The following HDX variants were observed in gnomAD, a reference collection of about 807,000 sequenced individuals.
The protein encoded by HDX is chromosome X open reading frame 43.
HDX carries 19 observed loss-of-function variants against 45.2 expected under a neutral mutation model. The ratio of observed to expected loss-of-function variants is 0.42; its 90% CI spans 0.29 to 0.62. The LOEUF is 0.62. HDX is among the 20% of genes least tolerant of loss of function. The pLI, the probability that HDX is intolerant of heterozygous loss-of-function variation, is 0.20. For synonymous variants in HDX, 188 were observed against 172.8 expected, an observed-to-expected ratio of 1.09 and a Z score of -0.69; for missense variants, 532 against 493.9, an observed-to-expected ratio of 1.08 and a Z score of -0.73.
Position 84,371,750 on chromosome X carries a change from A to T in HDX, c.1306-10138T>A, listed in dbSNP as rs973249986. Reference sequence around the variant, plus strand: ...TATCTCAGGTTCACATTTGATGCTTATTGCCTATTTTTATGTGCTCTCTGA... The same window carrying T: ...TATCTCAGGTTCACATTTGATGCTTTTTGCCTATTTTTATGTGCTCTCTGA... On this transcript the variant is annotated intron_variant, in intron 5 of 10. Coordinates refer to ENST00000373177, the MANE Select transcript of HDX (RefSeq NM_001177479.2). 9.9e-5 allele frequency among the ~76,000 whole-genome samples: 11 copies of T among 111,529 alleles called. No homozygotes were observed. The East Asian group carries it at 2.5e-3, about 26-fold the overall frequency.
chrX:84,376,990 G>C (rs1209032015), intron 5 of HDX, among the ~76,000 whole-genome samples: 2 of 112,221 alleles, frequency 1.8e-5, no homozygotes, highest in Non-Finnish European at 3.8e-5. Flanking sequence ...TGAAGTCATA[G>C]TGATGGTGGC....
At chrX:84,429,629 A>G (rs758550822) in intron 5 of HDX, among the ~76,000 whole-genome samples, 10 of 110,057 alleles carry the variant, frequency 9.1e-5, no homozygotes, top group Admixed American at 1.9e-4. Flanking sequence ...ATAAAGACAC[A>G]TTCATTTCTT....
At chrX:84,379,344 A>G (rs2038132091) in intron 5 of HDX, among the ~76,000 whole-genome samples, 1 of 110,626 alleles carries the variant, frequency 9.0e-6, no homozygotes, top group African/African-American at 3.3e-5. Flanking sequence ...GCAAATCAAC[A>G]AAGAAACATT....
chrX:84,408,972 A>G (rs950698974), intron 5 of HDX, among the ~76,000 whole-genome samples: 13 of 111,076 alleles, frequency 1.2e-4, no homozygotes, highest in African/African-American at 4.3e-4. Flanking sequence ...GACAGAGTCT[A>G]TGGGGTTTTC....
intron 5 of HDX, among the ~76,000 whole-genome samples, chrX:84,417,550 G>A (rs996394324): frequency 1.3e-4 from 15 of 112,496 alleles, no homozygotes; most frequent in Non-Finnish European, 2.4e-4. Flanking sequence ...ACTCCCTGAA[G>A]GGATGGCTTC....
intron 7 of HDX, among the ~76,000 whole-genome samples, chrX:84,339,305 T>C (rs1354799269): frequency 1.8e-5 from 2 of 111,263 alleles, no homozygotes; most frequent in Non-Finnish European, 3.8e-5. Flanking sequence ...CAAAATGTAA[T>C]GAAGGAAGGG....
intron 5 of HDX, among the ~76,000 whole-genome samples, chrX:84,437,249 A>G (rs1373100809): frequency 1.8e-5 from 2 of 111,078 alleles, no homozygotes; most frequent in Non-Finnish European, 3.8e-5. Flanking sequence ...TAATAATTTA[A>G]TTCAAGGAGC....
At chrX:84,323,961 AT>A (rs1488037687) in intron 10 of HDX, among the ~76,000 whole-genome samples, 1 of 112,623 alleles carries the variant, frequency 8.9e-6, no homozygotes, top group African/African-American at 3.2e-5. Context: ...AATCATTCTT[AT>A]CCCACTTGCA....
Position 84,321,601 on chromosome X carries a change from G to T in HDX, c.*288C>A, listed in dbSNP as rs1196422840. On this transcript the variant is annotated 3_prime_UTR_variant, in exon 11 of 11. Transcript: ENST00000373177. ...TCTTTAGTTATTTTGTCTCTGGTTA[G>T]AAATTAGACATAATGAATTTCAGGG... 1 of 145,294 alleles carries T rather than the reference G, an allele frequency of 6.9e-6. No homozygotes were observed. Among genetic ancestry groups the T allele is most frequent in the Non-Finnish European group, 1.3e-5 (1 of 75,271 alleles). The allele number at this position is 145,294 out of a possible 1,213,427, so 12.0% of individuals were successfully genotyped here. A position where few individuals can be genotyped will look rare whatever the true frequency, so the allele number is the denominator to read the frequency against.
At chrX:84,342,294 G>A (rs892763820) in intron 7 of HDX, among the ~76,000 whole-genome samples, 17 of 111,540 alleles carry the variant, frequency 1.5e-4, no homozygotes, top group African/African-American at 5.5e-4. Flanking sequence ...ATGGATGTTG[G>A]GGAAGGAGAT....
At chrX:84,424,897 TTGTC>T (rs750846368) in intron 5 of HDX, among the ~76,000 whole-genome samples, 252 of 110,911 alleles carry the variant, frequency 2.3e-3, no homozygotes, top group Non-Finnish European at 3.4e-3. Context: ...TTCAGGAAAT[TTGTC>T]TGGGCAAAAA....
intron 2 of HDX, among the ~76,000 whole-genome samples, chrX:84,487,665 C>T (rs2040822348): frequency 8.9e-6 from 1 of 111,772 alleles, no homozygotes; most frequent in African/African-American, 3.3e-5. Flanking sequence ...CAGGTTGATG[C>T]CCAGTATTAA....
chrX:84,461,654 A>G (rs2148120557), intron 4 of HDX, among the ~76,000 whole-genome samples: 1 of 111,845 alleles, frequency 8.9e-6, no homozygotes, highest in East Asian at 2.8e-4. Flanking sequence ...CCAAAGCAAA[A>G]ATGGACAAAT....
Position 84,461,820 on chromosome X carries a change from GA to G in HDX, c.1251+6651del, listed in dbSNP as rs201314185. Among the ~76,000 whole-genome samples, 48 of 111,845 alleles carry G rather than the reference GA, an allele frequency of 4.3e-4. No homozygotes were observed. In the East Asian group the frequency reaches 0.013, roughly 30 times the overall value. ...ATAAGGAGCTCAAACAACTCTATAA[GA>G]AAAAAATCTAACAATCTGATTAAGT... On this transcript the variant is annotated intron_variant, in intron 4 of 10. Coordinates refer to ENST00000373177, the MANE Select transcript of HDX (RefSeq NM_001177479.2).
chrX:84,387,618 T>C (rs192570681), intron 5 of HDX, among the ~76,000 whole-genome samples: 2 of 112,258 alleles, frequency 1.8e-5, no homozygotes, highest in East Asian at 5.6e-4. Flanking sequence ...AAGTCTGTTT[T>C]ATCTGATATA....
At chrX:84,326,386 C>A (rs1312328048) in intron 9 of HDX, 86 bp from the exon 10 acceptor site, 10 of 674,326 alleles carry the variant, frequency 1.5e-5, no homozygotes, top group South Asian at 2.9e-5. Flanking sequence ...TTCTAAAAAA[C>A]CATCAAATTA....
intron 5 of HDX, among the ~76,000 whole-genome samples, chrX:84,377,269 A>G (rs1231675567): frequency 9.0e-6 from 1 of 111,651 alleles, no homozygotes; most frequent in Non-Finnish European, 1.9e-5. Flanking sequence ...CTCCTTCCCA[A>G]AAAGGATTGA....
At chrX:84,374,546 T>A (rs1459434331) in intron 5 of HDX, among the ~76,000 whole-genome samples, 2 of 60,602 alleles carry the variant, frequency 3.3e-5, no homozygotes, top group African/African-American at 8.9e-5. Context: ...AGCATGGGAC[T>A]GGTACCAAAA....
chrX:84,408,802 G>A lies in HDX; in HGVS notation c.1305+31730C>T, dbSNP rs2038906638. On this transcript the variant is annotated intron_variant, in intron 5 of 10. Coordinates refer to ENST00000373177, the MANE Select transcript of HDX (RefSeq NM_001177479.2). Reference sequence around the variant, plus strand: ...ACCTCCTTGGTTAGCTGTATTCCTAGGTATTTTAATCATTTTCTGGATATT... The same window carrying A: ...ACCTCCTTGGTTAGCTGTATTCCTAAGTATTTTAATCATTTTCTGGATATT... 3.7e-5 allele frequency among the ~76,000 whole-genome samples: 4 copies of A among 109,363 alleles called. No individual in the cohort carries two copies. The Admixed American group carries it at 4.0e-4, about 11-fold the overall frequency. 95.0% of individuals were successfully genotyped at this position (109,363 alleles called of 115,157 possible). A position where few individuals can be genotyped will look rare whatever the true frequency, so the allele number is the denominator to read the frequency against.
Sources: gnomAD v4.1 joint callset for allele counts (sites outside exome capture counted in the v4.1 genomes callset) on GRCh38, gnomAD v4.1.1 for gene constraint, MANE v1.5 for transcripts, NCBI Gene and HGNC (gene_info 2026-07-23, HGNC 2026-07-21) for gene names.